Variants in CACNA1A observed in about 807,000 individuals in gnomAD.
The protein encoded by CACNA1A is voltage-dependent P/Q-type calcium channel subunit alpha-1A.
CACNA1A carries 57 observed loss-of-function variants against 262.4 expected under a neutral mutation model. The observed-to-expected ratio is 0.22, with a 90% CI of 0.18 to 0.27. The LOEUF is 0.27. Among genes scored for constraint, CACNA1A ranks in the 10% least tolerant of loss-of-function variants. CACNA1A has a pLI of 1.00. For missense variants in CACNA1A, 2,526 were observed against 3,562.8 expected, an observed-to-expected ratio of 0.71 and a Z score of 7.41; for synonymous variants, 1,431 against 1,419.3, an observed-to-expected ratio of 1.01 and a Z score of -0.18.
At position 13,298,655 on chromosome 19, in the gene CACNA1A, C is replaced by A; in HGVS notation, c.2978G>T (p.Gly993Val). The A allele has an allele frequency of 1.3e-6, 2 of 1,503,664 alleles. No individual in the cohort carries two copies. Among genetic ancestry groups the A allele is most frequent in the Non-Finnish European group, 1.8e-6 (2 of 1,126,996 alleles). 93.1% of individuals were successfully genotyped at this position (1,503,664 alleles called of 1,614,324 possible). A position where few individuals can be genotyped will look rare whatever the true frequency, so the allele number is the denominator to read the frequency against. The change falls in exon 19 of 47, where the codon GGC becomes GTC. Residue 993 changes from glycine to valine, a missense_variant. By Grantham distance (109) the Gly-to-Val change is moderately radical (BLOSUM62 -3). This residue lies in a region of CACNA1A where 765 missense variants were observed against 748.6 expected (regional missense o/e 1.02). Coordinates refer to ENST00000360228, the MANE Select transcript of CACNA1A (RefSeq NM_001127222.2). Reference sequence around the variant, plus strand: ...GCGCTCGCCCCCGTCGGGGCCCTCGCCCTCGCCCTCGCCGCCCCGGGCCGG... The same window carrying A: ...GCGCTCGCCCCCGTCGGGGCCCTCGACCTCGCCCTCGCCGCCCCGGGCCGG... ...SRPARGGEGE[G>V]EGPDGGERRR...
chr19:13,329,783 C>CTT (rs148916478), intron 10 of CACNA1A, among the ~76,000 whole-genome samples: 28 of 139,050 alleles, frequency 2.0e-4, no homozygotes, highest in Admixed American at 2.2e-4. Flanking sequence ...CAGTTTGTGT[C>CTT]TTTTTTTTTT....
chr19:13,231,728 G>A lies in CACNA1A; in HGVS notation c.5382C>T (p.Ile1794=), dbSNP rs2055672502. The A allele has an allele frequency of 6.2e-7, 1 of 1,612,198 alleles. No individual in the cohort carries two copies. Residue 1794 remains isoleucine (I), a synonymous_variant, in exon 35 of 47, where the codon ATC becomes ATT. Transcript: ENST00000360228. ...GACTCACCAGAAACGAGCAGAGGAAGATGAAGGAAACAAAGTAAAAATAAG... is the reference window on the plus strand; with the variant it reads ...GACTCACCAGAAACGAGCAGAGGAAAATGAAGGAAACAAAGTAAAAATAAG... ...EFAYFYFVSF[I]FLCSFLMLNL...
intron 3 of CACNA1A, among the ~76,000 whole-genome samples, chr19:13,416,694 A>T (rs1939687518): frequency 6.6e-6 from 1 of 152,134 alleles, no homozygotes; most frequent in African/African-American, 2.4e-5. Context: ...GGGCGCCTGT[A>T]ATCCCAGCTA....
chr19:13,250,884 C>T (rs950388181), intron 30 of CACNA1A, among the ~76,000 whole-genome samples: 1 of 152,036 alleles, frequency 6.6e-6, no homozygotes, highest in African/African-American at 2.4e-5. Flanking sequence ...GTAATCCCAG[C>T]ATTTTGGGAG....
intron 3 of CACNA1A, among the ~76,000 whole-genome samples, chr19:13,374,687 A>G (rs570230332): frequency 6.6e-6 from 1 of 152,328 alleles, no homozygotes; most frequent in African/African-American, 2.4e-5. Flanking sequence ...CTGGCACATA[A>G]AAGCTGTCAG....
intron 5 of CACNA1A, chr19:13,362,023 C>A (rs75493599): frequency 8.6e-6 from 1 of 115,856 alleles, no homozygotes; most frequent in African/African-American, 3.1e-5. Context: ...TCCTCTCTCT[C>A]TTTTTTTTTT....
At chr19:13,293,439 C>CTT (rs974515720) in intron 19 of CACNA1A, among the ~76,000 whole-genome samples, 1,427 of 80,892 alleles carry the variant, frequency 0.018, 8 homozygotes, top group African/African-American at 0.019. Flanking sequence ...TCAGTTAAAT[C>CTT]TTTTTTTTTT....
chr19:13,341,942 G>C (rs1261883458), intron 6 of CACNA1A, among the ~76,000 whole-genome samples: 1 of 152,160 alleles, frequency 6.6e-6, no homozygotes, highest in Non-Finnish European at 1.5e-5. Flanking sequence ...TGCTCAATAA[G>C]TGGTGTCTGT....
chr19:13,486,862 T>C (rs1393994683), intron 1 of CACNA1A, among the ~76,000 whole-genome samples: 1 of 151,916 alleles, frequency 6.6e-6, no homozygotes, highest in East Asian at 1.9e-4. Context: ...CTCTCATCTC[T>C]CTCTCTCTCT....
At chr19:13,248,008 C>T (rs146951876) in intron 30 of CACNA1A, among the ~76,000 whole-genome samples, 5 of 152,278 alleles carry the variant, frequency 3.3e-5, no homozygotes, top group South Asian at 4.1e-4. Flanking sequence ...GAGGTATCCA[C>T]TGAAACTGAG....
At chr19:13,246,886 A>T (rs1272838735) in intron 30 of CACNA1A, among the ~76,000 whole-genome samples, 2 of 151,742 alleles carry the variant, frequency 1.3e-5, no homozygotes, top group Non-Finnish European at 2.9e-5. Context: ...TCGGCCTCCC[A>T]AAGTGCTGGG....
Position 13,212,726 on chromosome 19 carries a change from G to A in CACNA1A, c.5955C>T (p.Leu1985=). The change falls in exon 41 of 47, where the codon CTC becomes CTT. Residue 1985 remains leucine, a synonymous_variant. Transcript: ENST00000360228. The surrounding 1 kb of genome is among the most constrained non-coding windows in gnomAD (Gnocchi z 5.6). ...ACGGGGGCTCCATGCGCTGGAACATGAGGGGTGTCCGGTCCTGGGGAATGG... is the reference window on the plus strand; with the variant it reads ...ACGGGGGCTCCATGCGCTGGAACATAAGGGGTGTCCGGTCCTGGGGAATGG... The part of the protein sequence containing the change: ...AMREEQDRTP[L]MFQRMEPPSP... The A allele has an allele frequency of 1.3e-6, 2 of 1,505,058 alleles. No individual in the cohort carries two copies. Among genetic ancestry groups the A allele is most frequent in the Non-Finnish European group, 8.9e-7 (1 of 1,127,506 alleles). The allele number at this position is 1,505,058 out of a possible 1,614,324, so 93.2% of individuals were successfully genotyped here.
At chr19:13,253,757 T>A (rs1259782079) in intron 29 of CACNA1A, among the ~76,000 whole-genome samples, 1 of 151,624 alleles carries the variant, frequency 6.6e-6, no homozygotes, top group African/African-American at 2.4e-5. Flanking sequence ...TTATTTTTTT[T>A]GAGACGGAGT....
At chr19:13,442,052 G>A (rs1041526066) in intron 3 of CACNA1A, among the ~76,000 whole-genome samples, 1 of 152,104 alleles carries the variant, frequency 6.6e-6, no homozygotes, top group African/African-American at 2.4e-5. Flanking sequence ...AGCACAATAC[G>A]GTGTGCTGGG....
chr19:13,380,798 C>T (rs2059511896), intron 3 of CACNA1A, among the ~76,000 whole-genome samples: 1 of 142,694 alleles, frequency 7.0e-6, no homozygotes, highest in South Asian at 2.2e-4. Flanking sequence ...TATTTTGAGA[C>T]AGGGTCTCCC....
chr19:13,333,281 T>A (rs1037214026), intron 8 of CACNA1A, among the ~76,000 whole-genome samples: 4 of 152,078 alleles, frequency 2.6e-5, no homozygotes, highest in Non-Finnish European at 5.9e-5. Flanking sequence ...TCAAATACGT[T>A]CCTAGCTCAG....
At position 13,212,657 on chromosome 19, in the gene CACNA1A, G is replaced by A; in HGVS notation, c.6024C>T (p.Ser2008=). 1 of 1,516,352 alleles carries A rather than the reference G, an allele frequency of 6.6e-7. No individual in the cohort carries two copies. The highest frequency in any genetic ancestry group is 8.8e-7 in the Non-Finnish European group (1 of 1,130,936). The allele number at this position is 1,516,352 out of a possible 1,614,324, so 93.9% of individuals were successfully genotyped here. The change falls in exon 41 of 47, where the codon TCC becomes TCT. Residue 2008 remains serine (S), a synonymous_variant. Transcript: ENST00000360228. This position sits in a 1 kb window ranked among gnomAD's most constrained non-coding sequence, Gnocchi z 5.6. ...EGGPGQNALP[S]TQLDPGGALM... Reference sequence around the variant, plus strand: ...GGGCTCCTCCTGGGTCCAGCTGGGTGGAGGGGAGGGCGTTCTGGCCAGGTC... The same window carrying A: ...GGGCTCCTCCTGGGTCCAGCTGGGTAGAGGGGAGGGCGTTCTGGCCAGGTC...
In CACNA1A at chr19:13,487,952, T is replaced by C. The variant is rs538118652; in HGVS notation, c.293+17980A>G. Among the ~76,000 whole-genome samples, 57 of 152,096 alleles carry C rather than the reference T, an allele frequency of 3.7e-4. No individual in the cohort carries two copies. In the South Asian group the frequency reaches 0.01, roughly 27 times the overall value. On this transcript the variant is annotated intron_variant, in intron 1 of 46. Coordinates refer to ENST00000360228, the MANE Select transcript of CACNA1A (RefSeq NM_001127222.2). ...TCCCAAGCAGCTAGGACTACAGGCA[T>C]GCACCACTACACCTGGGTAATGTTT...
At chr19:13,389,230 C>T (rs900867813) in intron 3 of CACNA1A, among the ~76,000 whole-genome samples, 1 of 152,174 alleles carries the variant, frequency 6.6e-6, no homozygotes, top group Non-Finnish European at 1.5e-5. Flanking sequence ...AGCCCCATCC[C>T]GTAGTATCTG....
Sources: allele counts gnomAD v4.1 joint callset (sites outside exome capture counted in the v4.1 genomes callset), GRCh38; gene constraint gnomAD v4.1.1; regional missense constraint gnomAD v4.1.1; non-coding constraint Gnocchi (gnomAD v3.1); transcripts MANE v1.5; gene names NCBI Gene and HGNC (gene_info 2026-07-23, HGNC 2026-07-21).